NECTIN3: variants seen among roughly 807,000 people sequenced by gnomAD.
NECTIN3 encodes nectin cell adhesion molecule 3.
Under a neutral mutation model 49.4 loss-of-function variants are expected in NECTIN3, and 8 were observed. The ratio of observed to expected loss-of-function variants is 0.16; its 90% CI spans 0.10 to 0.29. NECTIN3 has a LOEUF of 0.29. Ranked by LOEUF, NECTIN3 falls within the 10% of genes least tolerant of loss-of-function variation. The probability of loss-of-function intolerance (pLI) is 1.00; values close to 1 mark genes in which losing one functional copy is unlikely to be tolerated. For synonymous variants in NECTIN3, 277 were observed against 241.1 expected (o/e 1.15, Z -1.38); for missense variants, 581 against 654.6 (o/e 0.89, Z 1.23).
Position 111,118,744 on chromosome 3 carries a change from T to A in NECTIN3, c.591T>A (p.Thr197=). ...TAGCAGCCATTTGCATCGCAGCCACTGGAAAACCCGTTGCACATATTGACT... is the reference window on the plus strand; with the variant it reads ...TAGCAGCCATTTGCATCGCAGCCACAGGAAAACCCGTTGCACATATTGACT... ...ETVAAICIAA[T]GKPVAHIDWE... The change falls in exon 3 of 6, where the codon ACT becomes ACA. Residue 197 remains threonine, a synonymous_variant. Transcript: ENST00000485303. The A allele has an allele frequency of 6.2e-7, 1 of 1,614,166 alleles. No individual in the cohort carries two copies. The highest frequency in any genetic ancestry group is 8.5e-7 in the Non-Finnish European group (1 of 1,180,036).
intron 7 of NECTIN3, among the ~76,000 whole-genome samples, chr3:111,158,690 A>G (rs935560757): frequency 1.3e-5 from 2 of 151,878 alleles, no homozygotes; most frequent in African/African-American, 4.8e-5. Flanking sequence ...TTCACACACA[A>G]ACACACACAC....
At chr3:111,073,849 T>G (rs2030980029) in intron 1 of NECTIN3, among the ~76,000 whole-genome samples, 2 of 152,378 alleles carry the variant, frequency 1.3e-5, no homozygotes, top group East Asian at 3.9e-4. Context: ...TCTTAGTGGT[T>G]GTGAAAATGA....
chr3:111,184,303 T>A (rs1310406727), intron 7 of NECTIN3, among the ~76,000 whole-genome samples: 1 of 152,228 alleles, frequency 6.6e-6, no homozygotes, highest in Non-Finnish European at 1.5e-5. Context: ...TCGTATGTCA[T>A]GTTATGCTTT....
chr3:111,158,652 T>C (rs1285919716), intron 7 of NECTIN3, among the ~76,000 whole-genome samples: 1 of 152,126 alleles, frequency 6.6e-6, no homozygotes, highest in African/African-American at 2.4e-5. Flanking sequence ...ATGAACTGCA[T>C]GTATGATTGT....
chr3:111,115,263 G>C (rs2033644571), intron 2 of NECTIN3, among the ~76,000 whole-genome samples: 1 of 152,178 alleles, frequency 6.6e-6, no homozygotes, highest in Non-Finnish European at 1.5e-5. Context: ...GTAATTTATT[G>C]ATTGTTCAAA....
chr3:111,162,510 G>C (rs574858371), intron 7 of NECTIN3, among the ~76,000 whole-genome samples: 1 of 152,160 alleles, frequency 6.6e-6, no homozygotes, highest in African/African-American at 2.4e-5. Flanking sequence ...GACCTCACCA[G>C]CCATGTGGAA....
chr3:111,180,114 A>G (rs1364482623), intron 7 of NECTIN3, among the ~76,000 whole-genome samples: 2 of 152,228 alleles, frequency 1.3e-5, no homozygotes, highest in Non-Finnish European at 1.5e-5. Flanking sequence ...GAAACCCTGC[A>G]TTACTAAATA....
At chr3:111,125,022 CTTTTT>C (rs869201432) in intron 4 of NECTIN3, among the ~76,000 whole-genome samples, 5 of 90,210 alleles carry the variant, frequency 5.5e-5, no homozygotes, top group African/African-American at 2.5e-4. Flanking sequence ...TCTTTTCTTT[CTTTTT>C]TTTTTTTTTT....
intron 1 of NECTIN3, among the ~76,000 whole-genome samples, chr3:111,099,568 G>A (rs888210042): frequency 6.6e-6 from 1 of 152,042 alleles, no homozygotes; most frequent in Non-Finnish European, 1.5e-5. Context: ...ATAAATATTT[G>A]AACACTTAAT....
downstream of NECTIN3, among the ~76,000 whole-genome samples, chr3:111,139,781 C>T (rs2034694062): frequency 6.6e-6 from 1 of 151,646 alleles, no homozygotes; most frequent in African/African-American, 2.4e-5. Context: ...CAAAATTAGT[C>T]TGTACTCCTA....
chr3:111,137,385 T>G lies in NECTIN3; in HGVS notation c.*3170T>G, dbSNP rs1353851916. On this transcript the variant is annotated 3_prime_UTR_variant, in exon 6 of 6. Transcript: ENST00000485303. ...TCAAATTTTTTGTATATTGTGTTTG[T>G]GTTTGGGTTTTAGTTTGTACCCGCG... 1.0e-6 allele frequency: 1 copy of G among 958,082 alleles called. No individual in the cohort carries two copies. Among genetic ancestry groups the G allele is most frequent in the Non-Finnish European group, 1.2e-6 (1 of 805,744 alleles). The allele number at this position is 958,082 out of a possible 1,614,324, so 59.3% of individuals were successfully genotyped here. A position where few individuals can be genotyped will look rare whatever the true frequency, so the allele number is the denominator to read the frequency against.
intron 7 of NECTIN3, among the ~76,000 whole-genome samples, chr3:111,169,717 A>T (rs894145455): frequency 2.0e-5 from 3 of 152,148 alleles, no homozygotes; most frequent in Admixed American, 6.5e-5. Context: ...TAAAATCTCA[A>T]ACTAAGAATT....
intron 7 of NECTIN3, among the ~76,000 whole-genome samples, chr3:111,180,569 TTAA>T (rs1484200871): frequency 1.3e-5 from 2 of 152,198 alleles, no homozygotes; most frequent in African/African-American, 2.4e-5. Flanking sequence ...GTTCACAGTT[TTAA>T]TAATATTATA....
chr3:111,180,171 C>T (rs1379644714), intron 7 of NECTIN3, among the ~76,000 whole-genome samples: 2 of 152,152 alleles, frequency 1.3e-5, no homozygotes, highest in African/African-American at 4.8e-5. Context: ...GAATAAAAGA[C>T]ACCTTGAGAA....
At position 111,137,351 on chromosome 3, in the gene NECTIN3, GCTC is replaced by G; in HGVS notation, c.*3139_*3141del. ...TTAGAAAATGCATCCTTCATAAACAGCTCCTTTCTCAAATTTTTTGTATATTGT... is the reference window on the plus strand; with the variant it reads ...TTAGAAAATGCATCCTTCATAAACAGCTTTCTCAAATTTTTTGTATATTGT... On this transcript the variant is annotated 3_prime_UTR_variant, in exon 6 of 6. Transcript: ENST00000485303. 1.0e-6 allele frequency: 1 copy of G among 970,466 alleles called. No individual in the cohort carries two copies. Among genetic ancestry groups the G allele is most frequent in the Non-Finnish European group, 1.2e-6 (1 of 816,754 alleles). 60.1% of individuals were successfully genotyped at this position (970,466 alleles called of 1,614,324 possible). A position where few individuals can be genotyped will look rare whatever the true frequency, so the allele number is the denominator to read the frequency against.
intron 1 of NECTIN3, among the ~76,000 whole-genome samples, chr3:111,101,751 G>A (rs756245833): frequency 4.5e-4 from 69 of 152,270 alleles, no homozygotes; most frequent in Non-Finnish European, 9.4e-4. Context: ...CATGTGGCTA[G>A]TGACTGAGAC....
chr3:111,114,600 T>C (rs1007592524), intron 2 of NECTIN3, among the ~76,000 whole-genome samples: 1 of 152,178 alleles, frequency 6.6e-6, no homozygotes. Context: ...AACTTGGTAG[T>C]CAAGAAATAT....
chr3:111,130,608 A>G (rs541900479), intron 5 of NECTIN3, among the ~76,000 whole-genome samples: 3 of 152,280 alleles, frequency 2.0e-5, no homozygotes, highest in African/African-American at 7.2e-5. Context: ...TCTTAGGACT[A>G]GAGATGAAAA....
At chr3:111,131,017 A>T (rs1328811704) in intron 5 of NECTIN3, among the ~76,000 whole-genome samples, 2 of 152,108 alleles carry the variant, frequency 1.3e-5, no homozygotes. Flanking sequence ...GTGTAGTTTC[A>T]AACTTAAGAA....
Sources: allele counts gnomAD v4.1 joint callset (sites outside exome capture counted in the v4.1 genomes callset), GRCh38; gene constraint gnomAD v4.1.1; transcripts MANE v1.5; gene names NCBI Gene and HGNC (gene_info 2026-07-23, HGNC 2026-07-21).